The following AEBP2 variants were observed in gnomAD, a reference collection of about 807,000 sequenced individuals.
AEBP2 encodes the protein AE binding protein 2.
In AEBP2, 10 loss-of-function variants were observed where a neutral mutation model predicts 50.8. That is an observed-to-expected ratio of 0.20 (90% CI 0.12 to 0.33). The LOEUF (loss-of-function observed/expected upper bound fraction) is 0.33. AEBP2 is among the 10% of genes least tolerant of loss of function. AEBP2 has a pLI of 1.00. For synonymous variants in AEBP2, 296 were observed against 261.3 expected (o/e 1.13, Z -1.28); for missense variants, 570 against 688.0 (o/e 0.83, Z 1.92).
In AEBP2 at chr12:19,493,847, A is replaced by G; in HGVS notation, c.1035A>G (p.Leu345=). ...CCAGCTTTGCTTCTCAGGGAGGGCTAGCTCGTCATGTACCCACACACTTCA... is the reference window on the plus strand; with the variant it reads ...CCAGCTTTGCTTCTCAGGGAGGGCTGGCTCGTCATGTACCCACACACTTCA... ...CNASFASQGG[L]ARHVPTHFSQ... is the part of the protein sequence containing the mutation. Residue 345 remains leucine, a synonymous_variant, in exon 4 of 8, where the codon CTA becomes CTG. Transcript: ENST00000266508. The G allele has an allele frequency of 3.1e-6, 5 of 1,613,926 alleles. No homozygotes were observed. The highest frequency in any genetic ancestry group is 2.2e-5 in the South Asian group (2 of 91,062).
chr12:19,407,680 CCTT>C (rs1259402861), intron 1 of AEBP2, among the ~76,000 whole-genome samples: 1 of 152,158 alleles, frequency 6.6e-6, no homozygotes, highest in East Asian at 1.9e-4. Context: ...CTCAAGCAAT[CCTT>C]CTGTCTTGGC....
intron 3 of AEBP2, among the ~76,000 whole-genome samples, chr12:19,487,402 A>C (rs1286919737): frequency 1.3e-5 from 2 of 152,164 alleles, no homozygotes; most frequent in Non-Finnish European, 2.9e-5. Flanking sequence ...GTCTGGTTAC[A>C]GAAAGTACGT....
intron 3 of AEBP2, among the ~76,000 whole-genome samples, chr12:19,475,251 C>A (rs1948631018): frequency 6.6e-6 from 1 of 151,862 alleles, no homozygotes; most frequent in Non-Finnish European, 1.5e-5. Context: ...TCCTAGTCCC[C>A]AAAGTCTATT....
chr12:19,456,785 G>C, intron 1 of AEBP2: 1 of 1,575,340 alleles, frequency 6.3e-7, no homozygotes, highest in South Asian at 1.1e-5. Flanking sequence ...TTTTAATGTT[G>C]ACTGGAGCAA....
At chr12:19,513,362 G>T (rs964810764) in intron 6 of AEBP2, among the ~76,000 whole-genome samples, 6 of 151,924 alleles carry the variant, frequency 3.9e-5, no homozygotes, top group African/African-American at 1.5e-4. Context: ...TTTTATAAAA[G>T]GAAATGAGGG....
chr12:19,479,014 G>C (rs190570063), intron 3 of AEBP2, among the ~76,000 whole-genome samples: 1 of 152,106 alleles, frequency 6.6e-6, no homozygotes. Flanking sequence ...TTTGAGACCA[G>C]CCTGGGCAAC....
At chr12:19,445,105 A>G (rs968392660) in intron 1 of AEBP2, among the ~76,000 whole-genome samples, 2 of 152,142 alleles carry the variant, frequency 1.3e-5, no homozygotes, top group Non-Finnish European at 2.9e-5. Context: ...TAAGATTGCA[A>G]TGTGAATTGT....
chr12:19,418,745 G>A (rs1260932468), intron 1 of AEBP2, among the ~76,000 whole-genome samples: 1 of 152,106 alleles, frequency 6.6e-6, no homozygotes, highest in Non-Finnish European at 1.5e-5. Flanking sequence ...TGTGTGGTCA[G>A]GACCTCTTGG....
chr12:19,492,642 G>C (rs1192996551), intron 3 of AEBP2, among the ~76,000 whole-genome samples: 1 of 151,742 alleles, frequency 6.6e-6, no homozygotes, highest in Non-Finnish European at 1.5e-5. Flanking sequence ...AGTCCGTATG[G>C]GTTTTCATTT....
intron 1 of AEBP2, among the ~76,000 whole-genome samples, chr12:19,444,082 C>G (rs998089324): frequency 6.6e-6 from 1 of 151,974 alleles, no homozygotes; most frequent in Non-Finnish European, 1.5e-5. Context: ...CTTTTTTTCT[C>G]TTCAGTGAAG....
At chr12:19,494,098 CAGGT>C (rs1948934511) in intron 4 of AEBP2, 112 bp downstream of exon 4, 6 of 1,181,708 alleles carry the variant, frequency 5.1e-6, no homozygotes, top group Admixed American at 2.7e-5. Flanking sequence ...AAGTAACAAA[CAGGT>C]AGGATGCCTG....
chr12:19,438,002 G>C (rs1947879437), upstream of AEBP2, among the ~76,000 whole-genome samples: 2 of 152,302 alleles, frequency 1.3e-5, no homozygotes, highest in South Asian at 4.1e-4. Context: ...CCTTGGGTCA[G>C]GGTGTAATGT....
intron 1 of AEBP2, among the ~76,000 whole-genome samples, chr12:19,445,132 G>C (rs1368569338): frequency 6.6e-6 from 1 of 152,088 alleles, no homozygotes; most frequent in South Asian, 2.1e-4. Flanking sequence ...TTTGGTACAC[G>C]TTCATTAAGT....
At chr12:19,432,586 CAG>C (rs2095752001) in intron 1 of AEBP2, among the ~76,000 whole-genome samples, 1 of 152,042 alleles carries the variant, frequency 6.6e-6, no homozygotes, top group South Asian at 2.1e-4. Context: ...ACCAGCTACT[CAG>C]GGGGCTGATG....
intron 3 of AEBP2, among the ~76,000 whole-genome samples, chr12:19,475,464 G>GTGTGTATATATA (rs879624624): frequency 7.3e-5 from 11 of 150,764 alleles, no homozygotes; most frequent in African/African-American, 9.7e-5. Flanking sequence ...GTATGTGTGT[G>GTGTGTATATATA]TATATATATA....
upstream of AEBP2, among the ~76,000 whole-genome samples, chr12:19,436,473 T>C (rs1181371436): frequency 6.6e-6 from 1 of 152,208 alleles, no homozygotes; most frequent in Non-Finnish European, 1.5e-5. Flanking sequence ...CTTTACTGTA[T>C]GGACTTACCC....
At chr12:19,508,434 A>G (rs1592781411) in intron 5 of AEBP2, among the ~76,000 whole-genome samples, 1 of 152,202 alleles carries the variant, frequency 6.6e-6, no homozygotes, top group East Asian at 1.9e-4. Flanking sequence ...CAGTCCTAAT[A>G]TGTTTTCAGG....
intron 3 of AEBP2, among the ~76,000 whole-genome samples, chr12:19,479,618 A>G (rs2153373738): frequency 6.7e-6 from 1 of 149,524 alleles, no homozygotes; most frequent in South Asian, 2.1e-4. Flanking sequence ...TAATTATTTT[A>G]TAAATTTGGG....
intron 2 of AEBP2, among the ~76,000 whole-genome samples, chr12:19,464,813 C>G (rs1308241725): frequency 6.6e-6 from 1 of 151,826 alleles, no homozygotes; most frequent in Non-Finnish European, 1.5e-5. Context: ...TGGTCTCGAA[C>G]TCCTGACCTC....
Sources: gnomAD v4.1 joint callset for allele counts (sites outside exome capture counted in the v4.1 genomes callset) on GRCh38, gnomAD v4.1.1 for gene constraint, MANE v1.5 for transcripts, NCBI Gene and HGNC (gene_info 2026-07-23, HGNC 2026-07-21) for gene names.